Variants in ENKUR observed in about 807,000 individuals in gnomAD.
ENKUR encodes the protein enkurin, TRPC channel interacting protein, also known as enkurin.
Under a neutral mutation model 27.6 loss-of-function variants are expected in ENKUR, and 19 were observed. The ratio of observed to expected loss-of-function variants is 0.69; its 90% confidence interval spans 0.48 to 1.01. The LOEUF (loss-of-function observed/expected upper bound fraction) is 1.01, where lower values mean the gene tolerates loss of function less well. Ranked by LOEUF, ENKUR falls within the 50% of genes least tolerant of loss-of-function variation. The pLI, the probability that ENKUR is intolerant of heterozygous loss-of-function variation, is 0.00. For missense variants in ENKUR, 312 were observed against 310.5 expected (o/e 1.00, Z -0.04); for synonymous variants, 117 against 96.9 (o/e 1.21, Z -1.22).
chr10:24,996,506 T>G (rs1850062167), intron 2 of ENKUR, among the ~76,000 whole-genome samples: 1 of 152,116 alleles, frequency 6.6e-6, no homozygotes, highest in Non-Finnish European at 1.5e-5. Context: ...AAGTATTTCT[T>G]GCTTATTGGC....
At chr10:25,056,598 T>C (rs1443572489) in intron 2 of ENKUR, among the ~76,000 whole-genome samples, 2 of 152,212 alleles carry the variant, frequency 1.3e-5, no homozygotes, top group African/African-American at 4.8e-5. Context: ...AGGTGATTGA[T>C]GGGTGTTATT....
rs767456323 is a variant in ENKUR, at chr10:25,024,257, G to A, written c.38-28388C>T. The A allele has an allele frequency of 2.5e-5, 40 of 1,614,050 alleles. 1 individual carries two copies. The South Asian group carries it at 4.0e-4, about 16-fold the overall frequency. The stretch of plus-strand genomic sequence containing the variant: ...CAGTTCATCCTGGAGTTGTTTCATG[G>A]ACCAACAGGATCATTTAAAGATTTG... On this transcript the variant is annotated intron_variant, in intron 2 of 5. Transcript: ENST00000615958.
At chr10:24,985,816 G>A (rs567830165) in intron 4 of ENKUR, among the ~76,000 whole-genome samples, 15 of 152,292 alleles carry the variant, frequency 9.8e-5, no homozygotes, top group African/African-American at 3.6e-4. Context: ...AACAGAAAGT[G>A]CAATTTAAGA....
At position 24,983,349 on chromosome 10, in the gene ENKUR, A is replaced by C. The variant is rs1045706379; in HGVS notation, c.*1021T>G. 1.3e-5 allele frequency: 2 copies of C among 152,316 alleles called. No homozygotes were observed. The highest frequency in any genetic ancestry group is 1.3e-4 in the Admixed American group (2 of 15,286). The allele number at this position is 152,316 out of a possible 1,614,324, so 9.4% of individuals were successfully genotyped here. A position where few individuals can be genotyped will look rare whatever the true frequency, so the allele number is the denominator to read the frequency against. ...TCAGATGCATCCTACCCACTCTGTA[A>C]GTCTGGGTCCCTGAGTGACTGCAGA... On this transcript the variant is annotated 3_prime_UTR_variant, in exon 6 of 6. Coordinates refer to ENST00000331161, the MANE Select transcript of ENKUR (RefSeq NM_145010.4).
intron 2 of ENKUR, among the ~76,000 whole-genome samples, chr10:25,053,656 T>C (rs1424773623): frequency 6.6e-6 from 1 of 152,214 alleles, no homozygotes; most frequent in African/African-American, 2.4e-5. Flanking sequence ...AATATTACCT[T>C]CGGGTTTTTT....
At chr10:25,035,061 GA>G (rs1022510325) in intron 2 of ENKUR, among the ~76,000 whole-genome samples, 1 of 151,532 alleles carries the variant, frequency 6.6e-6, no homozygotes, top group East Asian at 1.9e-4. Flanking sequence ...TCTTGTCAAA[GA>G]AAAAAAATAT....
chr10:25,040,337 CT>C (rs1184556205), intron 2 of ENKUR, among the ~76,000 whole-genome samples: 2 of 150,720 alleles, frequency 1.3e-5, no homozygotes, highest in Non-Finnish European at 2.9e-5. Flanking sequence ...ATTGATGCCA[CT>C]TTAAACACTC....
intron 2 of ENKUR, among the ~76,000 whole-genome samples, chr10:24,998,193 C>T (rs181331537): frequency 1.3e-5 from 2 of 152,208 alleles, no homozygotes; most frequent in Admixed American, 1.3e-4. Context: ...ACATCGCTAG[C>T]CGGGCTTGAG....
chr10:25,023,779 C>A lies in ENKUR; in HGVS notation c.38-27910G>T, dbSNP rs906064219. 4.3e-6 allele frequency: 7 copies of A among 1,613,914 alleles called. No homozygotes were observed. The Admixed American group carries it at 6.7e-5, about 15-fold the overall frequency. ...TTCTGGAACATCTATGAAAGACTTA[C>A]TTAAATTTAGAAGACAGTATTATAA... On this transcript the variant is annotated intron_variant, in intron 2 of 5. Transcript: ENST00000615958.
At chr10:25,007,504 G>C (rs11014344) in intron 1 of ENKUR, among the ~76,000 whole-genome samples, 4,023 of 152,158 alleles carry the variant, frequency 0.026, 157 homozygotes, top group South Asian at 0.12. Flanking sequence ...GCGCCATCTC[G>C]GCTCACTGCA....
intron 2 of ENKUR, among the ~76,000 whole-genome samples, chr10:24,998,335 C>G (rs535312770): frequency 2.1e-5 from 3 of 143,352 alleles, no homozygotes; most frequent in African/African-American, 8.0e-5. Flanking sequence ...CCTCCCTTCC[C>G]TCTCTCCCTC....
At chr10:25,061,143 C>G (rs565532385) in exon 2 of ENKUR, 1 of 1,536,118 alleles carries the variant, frequency 6.5e-7, no homozygotes, top group East Asian at 2.4e-5. Flanking sequence ...CCCGCTCTGT[C>G]TTCATGCTCC....
chr10:25,024,814 A>T (rs767059147), intron 2 of ENKUR: 1 of 1,614,200 alleles, frequency 6.2e-7, no homozygotes, highest in South Asian at 1.1e-5. Context: ...TCGAAAATTT[A>T]TCTGTGCCTC....
At chr10:25,041,805 C>T (rs1851067378) in intron 2 of ENKUR, among the ~76,000 whole-genome samples, 1 of 151,998 alleles carries the variant, frequency 6.6e-6, no homozygotes, top group Non-Finnish European at 1.5e-5. Flanking sequence ...TTTTGAGAGA[C>T]AGTCTATAAG....
chr10:25,006,957 T>C (rs1359276097), intron 1 of ENKUR, among the ~76,000 whole-genome samples: 1 of 152,208 alleles, frequency 6.6e-6, no homozygotes, highest in Non-Finnish European at 1.5e-5. Context: ...AACTGGCACG[T>C]TTTAAATTCT....
intron 2 of ENKUR, among the ~76,000 whole-genome samples, chr10:25,033,105 A>T (rs565093172): frequency 5.3e-5 from 8 of 152,314 alleles, no homozygotes; most frequent in African/African-American, 1.9e-4. Context: ...AAACTTAAAT[A>T]GTTTTAGCAA....
At chr10:25,023,760 A>G (rs4748997) in intron 2 of ENKUR, 476,164 of 1,613,660 alleles carry the variant, frequency 0.3, 75,097 homozygotes, top group East Asian at 0.51. Flanking sequence ...AGAATTCTGG[A>G]ACATCTATGA....
upstream of ENKUR, among the ~76,000 whole-genome samples, chr10:25,019,652 A>G (rs1850678593): frequency 6.6e-6 from 1 of 152,234 alleles, no homozygotes; most frequent in Non-Finnish European, 1.5e-5. Flanking sequence ...ACCATTTTAT[A>G]TAAAGGACTT....
rs899308931 is a variant in ENKUR at position 24,999,456 on chromosome 10, T to C, written c.168A>G (p.Val56=). The change falls in exon 2 of 6, where the codon GTA becomes GTG. Residue 56 remains valine (V), a synonymous_variant. Coordinates refer to ENST00000331161, the MANE Select transcript of ENKUR (RefSeq NM_145010.4). ...MKTMGPAKVE[V]PSPKDFLKKH... ...TCTTTAGGAAATCCTTTGGAGAAGGTACTTCAACTTTTGCTGGTCCCATAG... is the reference window on the plus strand; with the variant it reads ...TCTTTAGGAAATCCTTTGGAGAAGGCACTTCAACTTTTGCTGGTCCCATAG... 9 of 1,613,370 alleles carry C rather than the reference T, an allele frequency of 5.6e-6. No homozygotes were observed. The African/African-American group carries it at 1.2e-4, about 22-fold the overall frequency.
Sources: gnomAD v4.1 joint callset for allele counts (sites outside exome capture counted in the v4.1 genomes callset) on GRCh38, gnomAD v4.1.1 for gene constraint, MANE v1.5 for transcripts, NCBI Gene and HGNC (gene_info 2026-07-23, HGNC 2026-07-21) for gene names.